Variants in SAMD5 observed in about 807,000 individuals in gnomAD.
SAMD5 encodes the protein sterile alpha motif domain containing 5.
SAMD5 carries 13 observed loss-of-function variants against 11.3 expected under a neutral mutation model. The ratio of observed to expected loss-of-function variants is 1.15; its 90% CI spans 0.75 to 1.83. The LOEUF (loss-of-function observed/expected upper bound fraction) is 1.83, where lower values mean the gene tolerates loss of function less well. Among genes scored for constraint, SAMD5 ranks in the 40% most tolerant of loss-of-function variants. The pLI, the probability that SAMD5 is intolerant of heterozygous loss-of-function variation, is 0.00. For synonymous variants in SAMD5, 129 were observed against 111.3 expected, an observed-to-expected ratio of 1.16 and a Z score of -1.00; for missense variants, 255 against 239.1, an observed-to-expected ratio of 1.07 and a Z score of -0.44.
At chr6:147,674,441 C>T (rs1254265170) in intron 1 of SAMD5, among the ~76,000 whole-genome samples, 2 of 152,152 alleles carry the variant, frequency 1.3e-5, no homozygotes, top group African/African-American at 4.8e-5. Context: ...AAACACTACA[C>T]CCCTTGCACG....
the SAMD5 span, among the ~76,000 whole-genome samples, chr6:147,912,261 T>C: frequency 6.6e-6 from 1 of 152,266 alleles, no homozygotes; most frequent in East Asian, 1.9e-4. Context: ...GAGTGGAGAA[T>C]TGGAGCTATT....
downstream of SAMD5, among the ~76,000 whole-genome samples, chr6:147,737,740 A>T (rs1027635231): frequency 8.0e-6 from 1 of 124,594 alleles, no homozygotes; most frequent in Non-Finnish European, 1.6e-5. Flanking sequence ...AAACATCCCA[A>T]TTCTCCCAAC....
At chr6:147,575,811 T>C (rs1337827633) in intron 1 of SAMD5, among the ~76,000 whole-genome samples, 1 of 152,258 alleles carries the variant, frequency 6.6e-6, no homozygotes, top group Admixed American at 6.5e-5. Flanking sequence ...GTGTTTGGCT[T>C]ACTGCCATTA....
At chr6:147,926,407 G>T in the SAMD5 span, among the ~76,000 whole-genome samples, 4 of 151,870 alleles carry the variant, frequency 2.6e-5, no homozygotes, top group African/African-American at 9.7e-5. Flanking sequence ...ATCTCCTTGT[G>T]GTTTTGATTT....
chr6:147,800,322 C>T, the SAMD5 span, among the ~76,000 whole-genome samples: 1 of 152,112 alleles, frequency 6.6e-6, no homozygotes, highest in African/African-American at 2.4e-5. Flanking sequence ...GTTGGAGTAC[C>T]CTGCAGTGTG....
chr6:147,750,128 A>G, the SAMD5 span, among the ~76,000 whole-genome samples: 1 of 152,204 alleles, frequency 6.6e-6, no homozygotes, highest in Non-Finnish European at 1.5e-5. Flanking sequence ...TAGAACTTCT[A>G]GAAAACACAG....
chr6:147,799,135 C>T, the SAMD5 span, among the ~76,000 whole-genome samples: 3 of 151,248 alleles, frequency 2.0e-5, no homozygotes, highest in South Asian at 4.2e-4. Flanking sequence ...TGATTTTGCT[C>T]GTTAGTTGAT....
At chr6:147,825,727 C>CCATAATTTTT in the SAMD5 span, among the ~76,000 whole-genome samples, 1 of 152,040 alleles carries the variant, frequency 6.6e-6, no homozygotes, top group South Asian at 2.1e-4. Context: ...TTTTAAAATC[C>CCATAATTTTT]CATAATTTTT....
chr6:147,824,482 A>AT, the SAMD5 span, among the ~76,000 whole-genome samples: 1 of 152,118 alleles, frequency 6.6e-6, no homozygotes. Flanking sequence ...TAAAAAGTGG[A>AT]TTTTTTTACT....
At chr6:147,525,925 A>G (rs1788331291) in intron 1 of SAMD5, among the ~76,000 whole-genome samples, 2 of 152,122 alleles carry the variant, frequency 1.3e-5, no homozygotes, top group Admixed American at 6.5e-5. Context: ...TCTCCAAACT[A>G]ATCTTCAATT....
chr6:147,821,531 A>C, the SAMD5 span, among the ~76,000 whole-genome samples: 23 of 152,180 alleles, frequency 1.5e-4, 1 homozygote, highest in Admixed American at 1.4e-3. Context: ...GCCAAGTGCT[A>C]CTTTTAAGAA....
At position 147,722,346 on chromosome 6, in the gene SAMD5, G is replaced by A. The variant is rs75883652; in HGVS notation, c.163-14971G>A. 7.2e-3 allele frequency among the ~76,000 whole-genome samples: 1,093 copies of A among 151,598 alleles called. 13 individuals carry two copies. Among genetic ancestry groups the A allele is most frequent in the African/African-American group, 0.025 (1,030 of 41,316 alleles). ...CGCATTCACAGACACCATGAAAAAAGCACCAAACAATTGAGAGAACTGTTT... is the reference window on the plus strand; with the variant it reads ...CGCATTCACAGACACCATGAAAAAAACACCAAACAATTGAGAGAACTGTTT... On this transcript the variant is annotated intron_variant, in intron 1 of 1. Coordinates refer to the SAMD5 transcript ENST00000566741.
the SAMD5 span, among the ~76,000 whole-genome samples, chr6:147,883,927 G>A: frequency 6.6e-6 from 1 of 152,262 alleles, no homozygotes; most frequent in East Asian, 1.9e-4. Flanking sequence ...ATTAATGAAA[G>A]GTTATTGCTC....
chr6:147,858,571 T>G, the SAMD5 span, among the ~76,000 whole-genome samples: 1 of 152,174 alleles, frequency 6.6e-6, no homozygotes, highest in Non-Finnish European at 1.5e-5. Context: ...GGTAATCAAT[T>G]CTCAAAAATG....
intron 1 of SAMD5, among the ~76,000 whole-genome samples, chr6:147,620,962 CTGTGTGTGTG>C (rs78040354): frequency 3.1e-5 from 4 of 128,452 alleles, no homozygotes; most frequent in African/African-American, 2.7e-5. Flanking sequence ...GTATGTGCCT[CTGTGTGTGTG>C]TGTGTGTGTG....
intron 1 of SAMD5, among the ~76,000 whole-genome samples, chr6:147,581,358 A>G (rs1405106036): frequency 1.3e-5 from 2 of 152,156 alleles, no homozygotes; most frequent in African/African-American, 4.8e-5. Flanking sequence ...ATCTCTGGAG[A>G]AAGATCTGTC....
intron 1 of SAMD5, among the ~76,000 whole-genome samples, chr6:147,616,462 G>A (rs779501141): frequency 6.6e-6 from 1 of 151,884 alleles, no homozygotes; most frequent in African/African-American, 2.4e-5. Flanking sequence ...CCATTAGTCT[G>A]CAGCAGTGAC....
At chr6:147,791,106 CCAACATGGGGAAACCTCACCT>C in the SAMD5 span, among the ~76,000 whole-genome samples, 1 of 151,722 alleles carries the variant, frequency 6.6e-6, no homozygotes, top group East Asian at 1.9e-4. Context: ...ACCAGCCTGG[CCAACATGGGGAAACCTCACCT>C]CTACTAAAAA....
intron 1 of SAMD5, among the ~76,000 whole-genome samples, chr6:147,530,002 G>C: frequency 6.6e-6 from 1 of 152,200 alleles, no homozygotes; most frequent in East Asian, 1.9e-4. Flanking sequence ...GTCATGTGCA[G>C]TTGGGATTCT....
Sources: allele counts gnomAD v4.1 joint callset (sites outside exome capture counted in the v4.1 genomes callset), GRCh38; gene constraint gnomAD v4.1.1; transcripts MANE v1.5; gene names NCBI Gene and HGNC (gene_info 2026-07-23, HGNC 2026-07-21).